The following GNG4 variants were observed in gnomAD, a reference collection of about 807,000 sequenced individuals.
GNG4 encodes G protein subunit gamma 4.
Under a neutral mutation model 5.8 loss-of-function variants are expected in GNG4, and 4 were observed. The observed-to-expected ratio is 0.69, with a 90% CI of 0.34 to 1.57. The LOEUF is 1.57. Among genes scored for constraint, GNG4 ranks in the 40% most tolerant of loss-of-function variants. The pLI, the probability that GNG4 is intolerant of heterozygous loss-of-function variation, is 0.06. For synonymous variants in GNG4, 29 were observed against 32.9 expected (o/e 0.88, Z 0.41); for missense variants, 96 against 95.1 (o/e 1.01, Z -0.04).
At chr1:235,617,542 A>C (rs1381252672) in intron 1 of GNG4, among the ~76,000 whole-genome samples, 1 of 152,148 alleles carries the variant, frequency 6.6e-6, no homozygotes, top group Non-Finnish European at 1.5e-5. Flanking sequence ...TCTACAAGGA[A>C]ACAATGTTTT....
chr1:235,648,813 G>A lies in GNG4; in HGVS notation c.-123+849C>T, dbSNP rs1009853490. ...GCAGCCGCGGGGCCGGGGAGACGGT[G>A]GGAGGCCCGGCGTCCATCATCCACT... On this transcript the variant is annotated intron_variant, in intron 1 of 3. Coordinates refer to ENST00000391854, the MANE Select transcript of GNG4 (RefSeq NM_001098722.2). The surrounding 1 kb of genome is among the most constrained non-coding windows in gnomAD (Gnocchi z 5.0). Among the ~76,000 whole-genome samples, 20 of 152,208 alleles carry A rather than the reference G, an allele frequency of 1.3e-4. No homozygotes were observed. Among genetic ancestry groups the A allele is most frequent in the African/African-American group, 4.6e-4 (19 of 41,454 alleles).
intron 1 of GNG4, among the ~76,000 whole-genome samples, chr1:235,613,046 A>T (rs1440890876): frequency 2.0e-5 from 3 of 151,350 alleles, no homozygotes; most frequent in Non-Finnish European, 4.4e-5. Context: ...CCATGATCTA[A>T]TCACCTCCTA....
At chr1:235,600,030 AAC>A (rs1205815530) in intron 1 of GNG4, among the ~76,000 whole-genome samples, 1 of 150,790 alleles carries the variant, frequency 6.6e-6, no homozygotes, top group Non-Finnish European at 1.5e-5. Context: ...TTCTCAAAAT[AAC>A]ACAGATTGTT....
At chr1:235,600,261 T>C (rs991763137) in intron 1 of GNG4, among the ~76,000 whole-genome samples, 3 of 151,836 alleles carry the variant, frequency 2.0e-5, no homozygotes, top group Non-Finnish European at 4.4e-5. Flanking sequence ...ATTACAGGCA[T>C]GTGCCACCAT....
intron 1 of GNG4, among the ~76,000 whole-genome samples, chr1:235,608,753 G>C (rs962219184): frequency 1.3e-5 from 2 of 150,392 alleles, no homozygotes; most frequent in African/African-American, 4.9e-5. Context: ...GTGCAATCTC[G>C]GCTCACTGCA....
rs943472809 is a variant in GNG4 at position 235,548,265 on chromosome 1, G to A, written c.*3844C>T. The A allele has an allele frequency of 4.6e-5, 7 of 152,188 alleles. No homozygotes were observed. The highest frequency in any genetic ancestry group is 1.4e-4 in the African/African-American group (6 of 41,424). 9.4% of individuals were successfully genotyped at this position (152,188 alleles called of 1,614,324 possible). A position where few individuals can be genotyped will look rare whatever the true frequency, so the allele number is the denominator to read the frequency against. On this transcript the variant is annotated 3_prime_UTR_variant, in exon 4 of 4. Transcript: ENST00000391854. ...TTCATGAAAGAAGAAAGAATGTACT[G>A]GATGGAGTTTGCTGGCTCAAAGAAT...
At chr1:235,637,514 G>A (rs546190204) in intron 1 of GNG4, among the ~76,000 whole-genome samples, 323 of 152,234 alleles carry the variant, frequency 2.1e-3, no homozygotes, top group Middle Eastern at 6.8e-3. Flanking sequence ...TTAGCTGGGC[G>A]CGGTGGCGCG....
chr1:235,604,278 C>T (rs538474842), intron 1 of GNG4, among the ~76,000 whole-genome samples: 21 of 152,300 alleles, frequency 1.4e-4, no homozygotes, highest in Middle Eastern at 3.4e-3. Context: ...TCGAGTCTAT[C>T]GCAGCTCTAC....
chr1:235,601,037 G>A (rs539313121), intron 1 of GNG4, among the ~76,000 whole-genome samples: 1 of 152,352 alleles, frequency 6.6e-6, no homozygotes, highest in African/African-American at 2.4e-5. Flanking sequence ...CATGGCTGCT[G>A]CTGTTTCAGT....
chr1:235,554,842 T>C (rs1222163726), intron 3 of GNG4, among the ~76,000 whole-genome samples: 1 of 81,986 alleles, frequency 1.2e-5, no homozygotes, highest in African/African-American at 5.3e-5. Context: ...TGAAACTCCA[T>C]CTCAAAAAAA....
In GNG4 at chr1:235,587,609, G is replaced by GT. The variant is rs1558486367; in HGVS notation, c.-10-3762_-10-3761insA. On this transcript the variant is annotated intron_variant, in intron 2 of 3. Transcript: ENST00000391854. The stretch of plus-strand genomic sequence containing the variant: ...TGAGTGTGAGTGTGGGAGGGCATGG[G>GT]GTGGGGTGTGTGAATGTGGGGTGGA... Among the ~76,000 whole-genome samples, 21 of 24,814 alleles carry GT rather than the reference G, an allele frequency of 8.5e-4. 1 individual carries two copies. Among genetic ancestry groups the GT allele is most frequent in the East Asian group, 7.0e-3 (1 of 142 alleles). 16.3% of individuals were successfully genotyped at this position (24,814 alleles called of 152,430 possible). A position where few individuals can be genotyped will look rare whatever the true frequency, so the allele number is the denominator to read the frequency against.
At chr1:235,564,853 T>G (rs1163905279) in intron 3 of GNG4, among the ~76,000 whole-genome samples, 1 of 152,192 alleles carries the variant, frequency 6.6e-6, no homozygotes, top group Non-Finnish European at 1.5e-5. Flanking sequence ...GCCCGGCTTA[T>G]TTTGGTATTC....
At chr1:235,566,546 G>A (rs1687202800) in intron 3 of GNG4, 1 of 155,688 alleles carries the variant, frequency 6.4e-6, no homozygotes, top group Non-Finnish European at 1.4e-5. Flanking sequence ...GCAATAAAGT[G>A]CATAATAAAT....
intron 3 of GNG4, among the ~76,000 whole-genome samples, chr1:235,577,452 T>C (rs1014326507): frequency 3.3e-5 from 5 of 152,160 alleles, no homozygotes; most frequent in Admixed American, 6.5e-5. Flanking sequence ...TTCTTTTTTT[T>C]TCTTTTTAGG....
At chr1:235,618,773 A>C (rs60349172) in intron 1 of GNG4, among the ~76,000 whole-genome samples, 1 of 150,704 alleles carries the variant, frequency 6.6e-6, no homozygotes, top group African/African-American at 2.4e-5. Context: ...CTCCTGCCTC[A>C]GCCTCCTGAG....
intron 2 of GNG4, among the ~76,000 whole-genome samples, chr1:235,585,193 A>T (rs1167869476): frequency 1.4e-5 from 2 of 145,318 alleles, no homozygotes; most frequent in Non-Finnish European, 3.0e-5. Context: ...ATTCTTTCCT[A>T]TGCTTCTTTT....
At position 235,598,429 on chromosome 1, in the gene GNG4, TAAGA is replaced by T. The variant is rs1026586513; in HGVS notation, c.-122-2922_-122-2919del. On this transcript the variant is annotated intron_variant, in intron 1 of 3. Coordinates refer to ENST00000391854, the MANE Select transcript of GNG4 (RefSeq NM_001098722.2). ...TTCAAGACCAGCCTGGGCAGCACAG[TAAGA>T]CCCCATCTCTACAAAAAATTTAAAA... Among the ~76,000 whole-genome samples, 118 of 152,100 alleles carry T rather than the reference TAAGA, an allele frequency of 7.8e-4. 1 individual carries two copies. The highest frequency in any genetic ancestry group is 2.7e-3 in the African/African-American group (114 of 41,504).
intron 1 of GNG4, among the ~76,000 whole-genome samples, chr1:235,645,796 T>G: frequency 2.5e-5 from 1 of 40,288 alleles, no homozygotes; most frequent in Admixed American, 3.2e-4. Flanking sequence ...AAACTCAGTC[T>G]CAAAAAAAAA....
intron 1 of GNG4, among the ~76,000 whole-genome samples, chr1:235,598,360 A>G (rs1039026697): frequency 3.9e-5 from 6 of 152,202 alleles, no homozygotes; most frequent in South Asian, 2.1e-4. Context: ...CTGTAATCCC[A>G]GTGCTTTGGG....
Sources: gnomAD v4.1 joint callset for allele counts (sites outside exome capture counted in the v4.1 genomes callset) on GRCh38, gnomAD v4.1.1 for gene constraint, Gnocchi (gnomAD v3.1) non-coding constraint, MANE v1.5 for transcripts, NCBI Gene and HGNC (gene_info 2026-07-23, HGNC 2026-07-21) for gene names.